Variants in STX8 observed in about 807,000 individuals in gnomAD.
STX8 encodes syntaxin 8.
STX8 carries 23 observed loss-of-function variants against 37.5 expected under a neutral mutation model. The ratio of observed to expected loss-of-function variants is 0.61; its 90% CI spans 0.44 to 0.87. STX8 has a LOEUF of 0.87. Ranked by LOEUF, STX8 falls within the 40% of genes least tolerant of loss-of-function variation. The pLI is 0.00. For synonymous variants in STX8, 115 were observed against 99.1 expected, an observed-to-expected ratio of 1.16 and a Z score of -0.95; for missense variants, 313 against 284.7, an observed-to-expected ratio of 1.10 and a Z score of -0.71.
chr17:9,393,625 G>A (rs148576915), intron 6 of STX8, among the ~76,000 whole-genome samples: 192 of 152,212 alleles, frequency 1.3e-3, no homozygotes, highest in African/African-American at 4.1e-3. Flanking sequence ...TAAGTAGACT[G>A]TAAATTTTTA....
At chr17:9,438,257 A>G (rs968398372) in intron 6 of STX8, among the ~76,000 whole-genome samples, 32 of 151,372 alleles carry the variant, frequency 2.1e-4, no homozygotes, top group Non-Finnish European at 4.4e-4. Context: ...AAAAAAAAAA[A>G]AAGGCCATTT....
intron 6 of STX8, among the ~76,000 whole-genome samples, chr17:9,448,520 A>C (rs1904931698): frequency 1.8e-5 from 2 of 111,810 alleles, no homozygotes; most frequent in Non-Finnish European, 3.6e-5. Flanking sequence ...GGCGTTCCTA[A>C]GCACAAGAAG....
intron 7 of STX8, among the ~76,000 whole-genome samples, chr17:9,333,975 T>C (rs1331272606): frequency 1.3e-5 from 2 of 152,136 alleles, no homozygotes; most frequent in African/African-American, 2.4e-5. Flanking sequence ...ACTGGAGTTT[T>C]ATTATTACTC....
chr17:9,493,817 C>G (rs1247296110), intron 5 of STX8, among the ~76,000 whole-genome samples: 1 of 152,112 alleles, frequency 6.6e-6, no homozygotes, highest in African/African-American at 2.4e-5. Flanking sequence ...ATTTCTCTCT[C>G]CTGATCAGAC....
chr17:9,506,997 T>C (rs928829331), intron 4 of STX8, among the ~76,000 whole-genome samples: 9 of 151,996 alleles, frequency 5.9e-5, no homozygotes, highest in African/African-American at 1.9e-4. Flanking sequence ...ACTCTGGTCC[T>C]GCAATGAAGG....
chr17:9,363,010 T>G (rs1388377841), intron 7 of STX8, among the ~76,000 whole-genome samples: 4 of 152,150 alleles, frequency 2.6e-5, no homozygotes, highest in African/African-American at 9.7e-5. Context: ...CCACCCTGTA[T>G]GATAGGAGAG....
intron 7 of STX8, among the ~76,000 whole-genome samples, chr17:9,288,534 C>T (rs758357043): frequency 2.0e-5 from 3 of 151,908 alleles, no homozygotes; most frequent in South Asian, 2.1e-4. Context: ...TGGTGGCAGG[C>T]GCCTGTAGTC....
intron 6 of STX8, among the ~76,000 whole-genome samples, chr17:9,415,324 C>T (rs774706456): frequency 3.9e-5 from 6 of 152,132 alleles, no homozygotes; most frequent in African/African-American, 7.2e-5. Flanking sequence ...TTGATGTTGA[C>T]GCCCTCCCTA....
chr17:9,304,108 C>T (rs893270620), intron 7 of STX8, among the ~76,000 whole-genome samples: 18 of 151,600 alleles, frequency 1.2e-4, no homozygotes, highest in Non-Finnish European at 2.9e-5. Flanking sequence ...ATCAGCAATC[C>T]AGAGAAAATC....
At chr17:9,427,187 T>C (rs1597664296) in intron 6 of STX8, among the ~76,000 whole-genome samples, 1 of 152,274 alleles carries the variant, frequency 6.6e-6, no homozygotes, top group East Asian at 1.9e-4. Flanking sequence ...CAAATACATG[T>C]TCCCATAGAA....
intron 6 of STX8, among the ~76,000 whole-genome samples, chr17:9,422,741 T>C (rs1300349768): frequency 6.6e-6 from 1 of 152,234 alleles, no homozygotes; most frequent in Non-Finnish European, 1.5e-5. Context: ...GCAACACAGA[T>C]CACACGGCCT....
intron 6 of STX8, among the ~76,000 whole-genome samples, chr17:9,426,593 C>G (rs1913640529): frequency 6.6e-6 from 1 of 151,854 alleles, no homozygotes; most frequent in African/African-American, 2.4e-5. Context: ...GACCTTGTCT[C>G]TAGTAAAAAT....
intron 7 of STX8, among the ~76,000 whole-genome samples, chr17:9,358,298 G>A (rs1053746221): frequency 1.3e-5 from 2 of 152,168 alleles, no homozygotes; most frequent in Non-Finnish European, 2.9e-5. Flanking sequence ...GCTTAGCACA[G>A]AGGTATGACC....
chr17:9,343,339 T>C (rs923843040), intron 7 of STX8, among the ~76,000 whole-genome samples: 1 of 152,184 alleles, frequency 6.6e-6, no homozygotes, highest in Admixed American at 6.5e-5. Flanking sequence ...TAATTAGAAC[T>C]GTTCTCTCTA....
intron 5 of STX8, among the ~76,000 whole-genome samples, chr17:9,502,274 A>G (rs1158266950): frequency 6.6e-6 from 1 of 152,204 alleles, no homozygotes; most frequent in East Asian, 1.9e-4. Flanking sequence ...AGAAGCAGAG[A>G]GCAGAGGAGT....
At chr17:9,252,421 G>C (rs1454711144) in intron 7 of STX8, among the ~76,000 whole-genome samples, 1 of 150,780 alleles carries the variant, frequency 6.6e-6, no homozygotes, top group East Asian at 1.9e-4. Flanking sequence ...TCCAAACTGG[G>C]CAACAGAGCA....
intron 6 of STX8, among the ~76,000 whole-genome samples, chr17:9,479,813 C>A (rs1906243097): frequency 6.9e-6 from 1 of 144,218 alleles, no homozygotes; most frequent in African/African-American, 2.9e-5. Context: ...CCGCCTCCTG[C>A]CAGCTCTCCT....
At position 9,431,746 on chromosome 17, in the gene STX8, T is replaced by C. The variant is rs567951780; in HGVS notation, c.542-53093A>G. ...TAAGAACAGCAGGTTAGCAACAACA[T>C]AGTGCCAAACGTTCTGACATTAACA... On this transcript the variant is annotated intron_variant, in intron 6 of 7. Transcript: ENST00000306357. Among the ~76,000 whole-genome samples the C allele has an allele frequency of 9.2e-5, 14 of 152,298 alleles. No individual in the cohort carries two copies. In the East Asian group the frequency reaches 2.7e-3, roughly 29 times the overall value.
At chr17:9,521,095 C>T (rs1905322776) in intron 4 of STX8, among the ~76,000 whole-genome samples, 1 of 152,176 alleles carries the variant, frequency 6.6e-6, no homozygotes. Flanking sequence ...TAAAGATGCA[C>T]AGAGGCTCAA....
Sources: gnomAD v4.1 joint callset for allele counts (sites outside exome capture counted in the v4.1 genomes callset) on GRCh38, gnomAD v4.1.1 for gene constraint, MANE v1.5 for transcripts, NCBI Gene and HGNC (gene_info 2026-07-23, HGNC 2026-07-21) for gene names.